Variants in HCFC2 observed in about 807,000 individuals in gnomAD.
HCFC2 encodes host cell factor C2, also known as host cell factor 2.
HCFC2 carries 18 observed loss-of-function variants against 89.2 expected under a neutral mutation model. That is an observed-to-expected ratio of 0.20 (90% confidence interval 0.14 to 0.30). The LOEUF (loss-of-function observed/expected upper bound fraction) is 0.30. HCFC2 is among the 10% of genes least tolerant of loss of function. The pLI is 1.00. For synonymous variants in HCFC2, 308 were observed against 335.7 expected, an observed-to-expected ratio of 0.92 and a Z score of 0.90; for missense variants, 578 against 956.1, an observed-to-expected ratio of 0.60 and a Z score of 5.21.
intron 5 of HCFC2, among the ~76,000 whole-genome samples, chr12:104,081,267 G>A (rs1321118722): frequency 6.6e-6 from 1 of 152,206 alleles, no homozygotes; most frequent in Non-Finnish European, 1.5e-5. Context: ...TTTGGCACTT[G>A]TCCTGTTTGA....
Position 104,068,848 on chromosome 12 carries a change from C to G in HCFC2, c.473+741C>G, listed in dbSNP as rs1883228709. 6.6e-6 allele frequency among the ~76,000 whole-genome samples: 1 copy of G among 150,724 alleles called. No individual in the cohort carries two copies. The highest frequency in any genetic ancestry group is 6.6e-5 in the Admixed American group (1 of 15,146). ...CTTTCCTTTGGGGAACTATACTGTT[C>G]CATGTAGTTTTTTTTTTTAATAAAT... On this transcript the variant is annotated intron_variant, in intron 3 of 14. Coordinates refer to ENST00000229330, the MANE Select transcript of HCFC2 (RefSeq NM_013320.3). This position sits in a 1 kb window ranked among gnomAD's most constrained non-coding sequence, Gnocchi z 4.1.
At chr12:104,080,930 T>C (rs1883664016) in intron 5 of HCFC2, 100 bp downstream of exon 5, 1 of 719,118 alleles carries the variant, frequency 1.4e-6, no homozygotes, top group East Asian at 2.9e-5. Flanking sequence ...AAATAGATTA[T>C]GAAACTTAAC....
chr12:104,076,280 T>G (rs187311043), intron 3 of HCFC2, among the ~76,000 whole-genome samples: 9 of 152,366 alleles, frequency 5.9e-5, no homozygotes, highest in African/African-American at 2.2e-4. Context: ...TGCACCTGGC[T>G]CTATTAAATG....
chr12:104,076,557 T>G (rs928803655), intron 3 of HCFC2, among the ~76,000 whole-genome samples: 1 of 152,274 alleles, frequency 6.6e-6, no homozygotes, highest in Non-Finnish European at 1.5e-5. Flanking sequence ...ATCCTTGATT[T>G]TCATAGCTTA....
rs567817958 is a variant in HCFC2, at chr12:104,095,095, C to T, written c.1463-265C>T. Among the ~76,000 whole-genome samples, 2 of 149,320 alleles carry T rather than the reference C, an allele frequency of 1.3e-5. No homozygotes were observed. Among genetic ancestry groups the T allele is most frequent in the South Asian group, 4.2e-4 (2 of 4,724 alleles). On this transcript the variant is annotated intron_variant, in intron 10 of 14. Coordinates refer to ENST00000229330, the MANE Select transcript of HCFC2 (RefSeq NM_013320.3). This position sits in a 1 kb window ranked among gnomAD's most constrained non-coding sequence, Gnocchi z 4.2. The stretch of plus-strand genomic sequence containing the variant: ...GAAATGAAGGGCAGAGCCATTTGAT[C>T]TATGATTTAGTGGAAAGTCAAGAAC...
chr12:104,089,257 A>G (rs573698551), intron 9 of HCFC2, among the ~76,000 whole-genome samples: 1 of 152,212 alleles, frequency 6.6e-6, no homozygotes, highest in Non-Finnish European at 1.5e-5. Context: ...TCACACCTGT[A>G]ATCCCAGCAC....
chr12:104,074,539 T>C (rs940371718), intron 3 of HCFC2, among the ~76,000 whole-genome samples: 1 of 152,250 alleles, frequency 6.6e-6, no homozygotes, highest in East Asian at 1.9e-4. Flanking sequence ...GTAGTTTAAA[T>C]TCATTTTGGA....
chr12:104,098,072 A>G, intron 12 of HCFC2: 1 of 303,056 alleles, frequency 3.3e-6, no homozygotes, highest in Non-Finnish European at 6.0e-6. Flanking sequence ...ATTTTAACAT[A>G]TCACTGATTG....
At position 104,080,704 on chromosome 12, in the gene HCFC2, C is replaced by T. The variant is rs764699281; in HGVS notation, c.683-42C>T. The T allele has an allele frequency of 2.5e-6, 3 of 1,199,460 alleles. No individual in the cohort carries two copies. The South Asian group carries it at 4.1e-5, about 16-fold the overall frequency. 74.3% of individuals were successfully genotyped at this position (1,199,460 alleles called of 1,614,324 possible). ...ATTATGGAAGTTGAGGTAATTTACT[C>T]TTGTTAGATCAAGTTGCTAATATAA... On this transcript the variant is annotated intron_variant, in intron 4 of 14. Transcript: ENST00000229330.
intron 13 of HCFC2, among the ~76,000 whole-genome samples, chr12:104,099,630 AAAC>A (rs1394642108): frequency 6.6e-6 from 1 of 152,006 alleles, no homozygotes; most frequent in Non-Finnish European, 1.5e-5. Context: ...AAAAAAAAAA[AAAC>A]TTATACAATC....
At chr12:104,075,086 G>A (rs766197798) in intron 3 of HCFC2, among the ~76,000 whole-genome samples, 12 of 151,760 alleles carry the variant, frequency 7.9e-5, no homozygotes, top group Non-Finnish European at 1.2e-4. Context: ...CAGGTGTGGT[G>A]GTACGCACCT....
At chr12:104,086,128 C>T (rs1883834637) in intron 7 of HCFC2, among the ~76,000 whole-genome samples, 2 of 151,464 alleles carry the variant, frequency 1.3e-5, no homozygotes, top group African/African-American at 4.9e-5. Context: ...CTTCCGAGTA[C>T]CTGGAATTAC....
rs533911342 is a variant in HCFC2, at chr12:104,092,498, C to T, written c.1285-888C>T. Among the ~76,000 whole-genome samples, 11 of 151,736 alleles carry T rather than the reference C, an allele frequency of 7.2e-5. No homozygotes were observed. The South Asian group carries it at 2.3e-3, about 32-fold the overall frequency. The stretch of plus-strand genomic sequence containing the variant: ...ATAAAAATAATTTTTTTAGGCCAGG[C>T]GCTGTGGCTCACTCCTGTAATCTCA... On this transcript the variant is annotated intron_variant, in intron 9 of 14. Transcript: ENST00000229330.
intron 3 of HCFC2, among the ~76,000 whole-genome samples, chr12:104,078,196 T>C (rs1883571343): frequency 1.3e-5 from 2 of 152,096 alleles, no homozygotes; most frequent in South Asian, 4.1e-4. Flanking sequence ...AGAGACAGAG[T>C]TTCACCGTGT....
chr12:104,093,303 G>T (rs897269888), intron 9 of HCFC2, 83 bp from the exon 10 acceptor site: 2 of 855,430 alleles, frequency 2.3e-6, no homozygotes, highest in Non-Finnish European at 3.4e-6. Context: ...TATTTAAATT[G>T]TAACTTATTT....
At chr12:104,075,195 T>TTA (rs1555285231) in intron 3 of HCFC2, among the ~76,000 whole-genome samples, 3 of 148,126 alleles carry the variant, frequency 2.0e-5, no homozygotes, top group African/African-American at 7.4e-5. Flanking sequence ...TCTGTGAAAA[T>TTA]AAAAAAAAAA....
rs752039646 is a variant in HCFC2 at position 104,095,512 on chromosome 12, G to A, written c.1615G>A (p.Ala539Thr). 2.5e-6 allele frequency: 4 copies of A among 1,613,642 alleles called. No homozygotes were observed. In the South Asian group the frequency reaches 4.4e-5, roughly 18 times the overall value. ...IKTESSSTNG[A>T]VVKDETSLTT... is the part of the protein sequence containing the mutation. ...AACTGAATCATCCAGTACAAATGGG[G>A]CAGTTGTTAAAGATGAAACTTCACT... Residue 539 changes from alanine to threonine, a missense_variant, in exon 11 of 15, where the codon GCA becomes ACA. Physicochemically the swap from Ala to Thr is moderately conservative, Grantham distance 58 (BLOSUM62 0). Transcript: ENST00000229330. This position sits in a 1 kb window ranked among gnomAD's most constrained non-coding sequence, Gnocchi z 4.2.
rs78732877 is a variant in HCFC2 at position 104,098,195 on chromosome 12, T to G, written c.1741-148T>G. 10 of 557,274 alleles carry G rather than the reference T, an allele frequency of 1.8e-5. No homozygotes were observed. In the East Asian group the frequency reaches 3.1e-4, roughly 18 times the overall value. 34.5% of individuals were successfully genotyped at this position (557,274 alleles called of 1,614,324 possible). On this transcript the variant is annotated intron_variant, in intron 12 of 14. Coordinates refer to ENST00000229330, the MANE Select transcript of HCFC2 (RefSeq NM_013320.3). ...TGTTTCACTGTCAGTTGACCTAATC[T>G]GTTAAGACTTTATTTACTTATGAGT... is the stretch of plus-strand genomic sequence containing the variant.
rs1231563825 is a variant in HCFC2, at chr12:104,103,849, A to G, written c.*576A>G. On this transcript the variant is annotated 3_prime_UTR_variant, in exon 15 of 15. Transcript: ENST00000229330. ...AATTAAAAAAGAGGCAAGTTTAGAA[A>G]CTGCTTTTGAACTTTTATTATTTTC... 1.3e-5 allele frequency: 2 copies of G among 152,146 alleles called. No individual in the cohort carries two copies. Among genetic ancestry groups the G allele is most frequent in the Non-Finnish European group, 2.9e-5 (2 of 67,954 alleles). The allele number at this position is 152,146 out of a possible 1,614,324, so 9.4% of individuals were successfully genotyped here.
Sources: gnomAD v4.1 joint callset for allele counts (sites outside exome capture counted in the v4.1 genomes callset) on GRCh38, gnomAD v4.1.1 for gene constraint, Gnocchi (gnomAD v3.1) non-coding constraint, MANE v1.5 for transcripts, NCBI Gene and HGNC (gene_info 2026-07-23, HGNC 2026-07-21) for gene names.